TMEM132D: variants seen among roughly 807,000 people sequenced by gnomAD.
TMEM132D encodes the protein mature OL transmembrane protein.
A neutral mutation model predicts 62.3 loss-of-function variants in TMEM132D; 21 were observed. That is an observed-to-expected ratio of 0.34 (90% CI 0.24 to 0.49). TMEM132D has a LOEUF of 0.49. TMEM132D is among the 20% of genes least tolerant of loss of function. The probability of loss-of-function intolerance (pLI) is 0.99; values close to 1 mark genes in which losing one functional copy is unlikely to be tolerated. For missense variants in TMEM132D, 1,346 were observed against 1,402.8 expected (o/e 0.96, Z 0.65); for synonymous variants, 621 against 575.6 (o/e 1.08, Z -1.13).
At chr12:129,453,579 G>A (rs77448898) in intron 3 of TMEM132D, among the ~76,000 whole-genome samples, 12,920 of 152,248 alleles carry the variant, frequency 0.085, 857 homozygotes, top group African/African-American at 0.18. Context: ...TGGACCCAAA[G>A]GTTCTGGTTG....
intron 3 of TMEM132D, among the ~76,000 whole-genome samples, chr12:129,341,080 T>C (rs528479957): frequency 6.6e-6 from 1 of 152,368 alleles, no homozygotes; most frequent in East Asian, 1.9e-4. Flanking sequence ...TGAATTTTAA[T>C]GCCCCTTTGT....
intron 3 of TMEM132D, among the ~76,000 whole-genome samples, chr12:129,511,492 G>C (rs764432423): frequency 2.6e-5 from 4 of 152,206 alleles, no homozygotes; most frequent in Non-Finnish European, 4.4e-5. Flanking sequence ...ATAAGGCTTT[G>C]TCAGTCTTTT....
chr12:129,151,485 G>A (rs1467632935), intron 5 of TMEM132D, among the ~76,000 whole-genome samples: 1 of 152,194 alleles, frequency 6.6e-6, no homozygotes, highest in African/African-American at 2.4e-5. Flanking sequence ...TTGTCTCCCT[G>A]ACATGCCTCA....
At chr12:129,230,026 A>G (rs887093172) in intron 4 of TMEM132D, among the ~76,000 whole-genome samples, 2 of 152,240 alleles carry the variant, frequency 1.3e-5, no homozygotes, top group Non-Finnish European at 2.9e-5. Context: ...TTCTGCCCAC[A>G]CTAATTGAGA....
chr12:129,753,567 C>T (rs1318300546), intron 1 of TMEM132D, among the ~76,000 whole-genome samples: 1 of 152,142 alleles, frequency 6.6e-6, no homozygotes, highest in Non-Finnish European at 1.5e-5. Context: ...ATTTAAAATG[C>T]TTTTCTTATC....
chr12:129,711,729 A>G (rs1223812562), intron 1 of TMEM132D, among the ~76,000 whole-genome samples: 2 of 112,316 alleles, frequency 1.8e-5, no homozygotes, highest in African/African-American at 1.1e-4. Context: ...TTCCATCTCC[A>G]AAAAAAAAAA....
chr12:129,430,300 T>C (rs1365175790), intron 3 of TMEM132D, among the ~76,000 whole-genome samples: 1 of 152,002 alleles, frequency 6.6e-6, no homozygotes, highest in Non-Finnish European at 1.5e-5. Context: ...TGGCATCTCG[T>C]TGTGGTTTTG....
rs549356476 is a variant in TMEM132D at position 129,370,825 on chromosome 12, G to C, written c.1116-33008C>G. 8.5e-4 allele frequency among the ~76,000 whole-genome samples: 130 copies of C among 152,316 alleles called. 1 individual carries two copies. Among genetic ancestry groups the C allele is most frequent in the Non-Finnish European group, 1.5e-3 (105 of 68,030 alleles). On this transcript the variant is annotated intron_variant, in intron 3 of 8. Coordinates refer to ENST00000422113, the MANE Select transcript of TMEM132D (RefSeq NM_133448.3). ...TCTCACTCATGTGGGAGCAGACATA[G>C]TGTCTCTCATAAAGGTAGAAAGTAG... is the stretch of plus-strand genomic sequence containing the variant.
intron 4 of TMEM132D, among the ~76,000 whole-genome samples, chr12:129,252,991 A>G (rs1880308693): frequency 1.4e-5 from 2 of 140,994 alleles, no homozygotes; most frequent in Admixed American, 1.5e-4. Flanking sequence ...GAATTGAACA[A>G]TGATAACACA....
At chr12:129,601,608 T>C (rs950082053) in intron 2 of TMEM132D, among the ~76,000 whole-genome samples, 1 of 152,162 alleles carries the variant, frequency 6.6e-6, no homozygotes, top group Non-Finnish European at 1.5e-5. Flanking sequence ...GAGACCATTG[T>C]AGGGTAATTA....
intron 2 of TMEM132D, among the ~76,000 whole-genome samples, chr12:129,572,330 C>G (rs1209708542): frequency 6.6e-6 from 1 of 152,210 alleles, no homozygotes; most frequent in Non-Finnish European, 1.5e-5. Flanking sequence ...CAGAGGGAGG[C>G]CTGCCCTGGA....
intron 2 of TMEM132D, among the ~76,000 whole-genome samples, chr12:129,605,076 C>T (rs879821900): frequency 2.6e-5 from 4 of 152,100 alleles, no homozygotes; most frequent in South Asian, 2.1e-4. Context: ...TAAAAATATA[C>T]TAGTGATATA....
chr12:129,775,940 T>C (rs1009979148), intron 1 of TMEM132D, among the ~76,000 whole-genome samples: 2 of 152,122 alleles, frequency 1.3e-5, no homozygotes, highest in African/African-American at 4.8e-5. Flanking sequence ...ATCCATTTGA[T>C]AATCAGTACC....
chr12:129,837,883 G>A (rs569970088), intron 1 of TMEM132D, among the ~76,000 whole-genome samples: 2 of 152,290 alleles, frequency 1.3e-5, no homozygotes, highest in South Asian at 4.1e-4. Context: ...TTTGGAGGCA[G>A]ATTTCCAAAA....
intron 3 of TMEM132D, among the ~76,000 whole-genome samples, chr12:129,483,615 T>G (rs1232597013): frequency 6.6e-6 from 1 of 152,240 alleles, no homozygotes; most frequent in East Asian, 1.9e-4. Flanking sequence ...TCGGTTAGCT[T>G]GGAACATCAT....
chr12:129,772,266 T>A (rs998601093), intron 1 of TMEM132D, among the ~76,000 whole-genome samples: 5 of 152,322 alleles, frequency 3.3e-5, no homozygotes, highest in Admixed American at 3.3e-4. Flanking sequence ...GATTAAGATA[T>A]GCATCAAAAA....
chr12:129,538,332 C>G (rs994777399), intron 2 of TMEM132D, among the ~76,000 whole-genome samples: 1 of 152,216 alleles, frequency 6.6e-6, no homozygotes, highest in Non-Finnish European at 1.5e-5. Flanking sequence ...ATGCCGAGGG[C>G]TGCCATATGG....
intron 2 of TMEM132D, among the ~76,000 whole-genome samples, chr12:129,567,232 T>G (rs1877390605): frequency 1.3e-5 from 2 of 152,236 alleles, no homozygotes; most frequent in South Asian, 4.1e-4. Context: ...TTTTTGATAT[T>G]GTAAAATGAA....
intron 1 of TMEM132D, among the ~76,000 whole-genome samples, chr12:129,728,076 AGAGT>A (rs1384146936): frequency 6.6e-6 from 1 of 152,224 alleles, no homozygotes; most frequent in Non-Finnish European, 1.5e-5. Flanking sequence ...ATTTTTAAAA[AGAGT>A]GAGAAGCTAG....
Sources: gnomAD v4.1 joint callset for allele counts (sites outside exome capture counted in the v4.1 genomes callset) on GRCh38, gnomAD v4.1.1 for gene constraint, MANE v1.5 for transcripts, NCBI Gene and HGNC (gene_info 2026-07-23, HGNC 2026-07-21) for gene names.